Variants in LEKR1 observed in about 807,000 individuals in gnomAD.
The protein encoded by LEKR1 is protein LEKR1.
A neutral mutation model predicts 72.4 loss-of-function variants in LEKR1; 59 were observed. The observed-to-expected ratio is 0.82, with a 90% CI of 0.66 to 1.01. LEKR1 has a LOEUF of 1.01. Ranked by LOEUF, LEKR1 falls within the 50% of genes least tolerant of loss-of-function variation. The pLI, the probability that LEKR1 is intolerant of heterozygous loss-of-function variation, is 0.00. For missense variants in LEKR1, 728 were observed against 759.2 expected (o/e 0.96, Z 0.48); for synonymous variants, 257 against 263.2 (o/e 0.98, Z 0.23).
intron 9 of LEKR1, among the ~76,000 whole-genome samples, chr3:157,001,161 C>A (rs1454515163): frequency 6.6e-6 from 1 of 152,202 alleles, no homozygotes; most frequent in Non-Finnish European, 1.5e-5. Context: ...CATACTATTA[C>A]AGATGCTAAT....
intron 6 of LEKR1, among the ~76,000 whole-genome samples, chr3:156,951,310 T>A (rs1473541942): frequency 6.6e-6 from 1 of 151,362 alleles, no homozygotes; most frequent in Non-Finnish European, 1.5e-5. Context: ...TCATGGATAT[T>A]GGCCTGAATT....
rs11918415 is a variant in LEKR1 at position 156,989,611 on chromosome 3, G to A, written c.828-3042G>A. Among the ~76,000 whole-genome samples, 216 of 152,086 alleles carry A rather than the reference G, an allele frequency of 1.4e-3. 1 individual carries two copies. The highest frequency in any genetic ancestry group is 5.0e-3 in the African/African-American group (209 of 41,472). On this transcript the variant is annotated intron_variant, in intron 7 of 12. Transcript: ENST00000356539. ...TGAGCCTTTGCCCATTTTTCTAACTGTATGTTAATATTTTTCTATTTCTTC... is the reference window on the plus strand; with the variant it reads ...TGAGCCTTTGCCCATTTTTCTAACTATATGTTAATATTTTTCTATTTCTTC...
intron 9 of LEKR1, among the ~76,000 whole-genome samples, chr3:157,000,387 A>C (rs146854135): frequency 2.1e-3 from 314 of 152,330 alleles, no homozygotes; most frequent in African/African-American, 7.2e-3. Context: ...AAAAGGATTA[A>C]GAAGTGATGC....
At chr3:156,876,676 C>T (rs1378767318) in intron 3 of LEKR1, among the ~76,000 whole-genome samples, 1 of 152,052 alleles carries the variant, frequency 6.6e-6, no homozygotes, top group Non-Finnish European at 1.5e-5. Flanking sequence ...GATTTTGTAT[C>T]CTGAAACTTT....
At chr3:156,842,647 G>A (rs774960172) in intron 2 of LEKR1, among the ~76,000 whole-genome samples, 1 of 152,154 alleles carries the variant, frequency 6.6e-6, no homozygotes, top group African/African-American at 2.4e-5. Context: ...ATGTAAAGGT[G>A]GTAGGGGAGA....
intron 4 of LEKR1, chr3:156,921,096 A>G (rs1218584559): frequency 2.0e-5 from 3 of 153,182 alleles, no homozygotes; most frequent in African/African-American, 4.8e-5. Flanking sequence ...AGAAATATCT[A>G]GTGTAAAGCA....
At chr3:156,883,006 T>A (rs1170282252) in intron 3 of LEKR1, among the ~76,000 whole-genome samples, 1 of 148,580 alleles carries the variant, frequency 6.7e-6, no homozygotes, top group Non-Finnish European at 1.5e-5. Context: ...CTGTTGTGGG[T>A]TGGGGGGAGG....
In LEKR1 at chr3:156,999,025, G is replaced by A. The variant is rs557406960; in HGVS notation, c.1109+5748G>A. ...CTCGTGATAGTGAGTGAGTTCTCAC[G>A]AGATCTGATGGTTTTATAAGGGGCT... On this transcript the variant is annotated intron_variant, in intron 9 of 12. Coordinates refer to ENST00000356539, the MANE Select transcript of LEKR1 (RefSeq NM_001004316.3). Among the ~76,000 whole-genome samples, 53 of 152,206 alleles carry A rather than the reference G, an allele frequency of 3.5e-4. 1 individual carries two copies. In the South Asian group the frequency reaches 5.6e-3, roughly 16 times the overall value.
At chr3:156,954,114 CATG>C (rs1727411797) in intron 6 of LEKR1, among the ~76,000 whole-genome samples, 1 of 151,866 alleles carries the variant, frequency 6.6e-6, no homozygotes, top group South Asian at 2.1e-4. Flanking sequence ...CTCTAATGAT[CATG>C]ATGATGAGCT....
chr3:157,036,726 G>A (rs1734993870), intron 12 of LEKR1, among the ~76,000 whole-genome samples: 1 of 152,172 alleles, frequency 6.6e-6, no homozygotes. Context: ...CAGATTGAAA[G>A]AATAACCAGA....
rs1576947217 is a variant in LEKR1 at position 156,984,122 on chromosome 3, T to C, written c.827+4847T>C. Among the ~76,000 whole-genome samples the C allele has an allele frequency of 2.0e-5, 3 of 152,124 alleles. No homozygotes were observed. In the East Asian group the frequency reaches 5.8e-4, roughly 29 times the overall value. Reference sequence around the variant, plus strand: ...CGGGAGATTAGAAATATCAGAAAAATGATCCCATTCATGCTAAAAATGAAT... The same window carrying C: ...CGGGAGATTAGAAATATCAGAAAAACGATCCCATTCATGCTAAAAATGAAT... On this transcript the variant is annotated intron_variant, in intron 7 of 12. Coordinates refer to ENST00000356539, the MANE Select transcript of LEKR1 (RefSeq NM_001004316.3).
intron 12 of LEKR1, among the ~76,000 whole-genome samples, chr3:157,032,967 T>C (rs1560160901): frequency 6.6e-6 from 1 of 152,190 alleles, no homozygotes; most frequent in Non-Finnish European, 1.5e-5. Context: ...TTATTATATC[T>C]GTTATGGCCA....
Position 156,992,546 on chromosome 3 carries a change from A to G in LEKR1, c.828-107A>G, listed in dbSNP as rs528626313. Reference sequence around the variant, plus strand: ...TTTATTTCTTTAAACAAATAATAATATGAAGATGTTAAGAAATTTCTTCTA... The same window carrying G: ...TTTATTTCTTTAAACAAATAATAATGTGAAGATGTTAAGAAATTTCTTCTA... On this transcript the variant is annotated intron_variant, in intron 7 of 12. Coordinates refer to ENST00000356539, the MANE Select transcript of LEKR1 (RefSeq NM_001004316.3). 1.0e-4 allele frequency: 22 copies of G among 210,404 alleles called. No homozygotes were observed. The South Asian group carries it at 1.5e-3, about 14-fold the overall frequency. The allele number at this position is 210,404 out of a possible 1,614,324, so 13.0% of individuals were successfully genotyped here. A position where few individuals can be genotyped will look rare whatever the true frequency, so the allele number is the denominator to read the frequency against.
intron 12 of LEKR1, among the ~76,000 whole-genome samples, chr3:157,032,820 T>TC (rs397769546): frequency 9.9e-5 from 15 of 151,844 alleles, no homozygotes; most frequent in South Asian, 2.1e-4. Context: ...GGTTTTTTTT[T>TC]CCCCACAAAT....
intron 2 of LEKR1, among the ~76,000 whole-genome samples, chr3:156,839,400 A>G (rs1713595424): frequency 6.6e-6 from 1 of 152,266 alleles, no homozygotes; most frequent in African/African-American, 2.4e-5. Flanking sequence ...AGATGCCATC[A>G]TTCTTATAGA....
At chr3:156,883,073 A>G (rs1719633948) in intron 3 of LEKR1, among the ~76,000 whole-genome samples, 1 of 152,104 alleles carries the variant, frequency 6.6e-6, no homozygotes, top group African/African-American at 2.4e-5. Flanking sequence ...TAGTGGGTGC[A>G]GCACACCAGC....
intron 3 of LEKR1, among the ~76,000 whole-genome samples, chr3:156,890,964 A>G (rs1166872117): frequency 6.8e-6 from 1 of 146,970 alleles, no homozygotes; most frequent in Non-Finnish European, 1.5e-5. Flanking sequence ...GGTTCAAGTG[A>G]TTCTCCTGCC....
chr3:156,831,429 A>G (rs1037264345), intron 2 of LEKR1, among the ~76,000 whole-genome samples: 2 of 152,132 alleles, frequency 1.3e-5, no homozygotes, highest in African/African-American at 2.4e-5. Flanking sequence ...AGTTTAAGGG[A>G]TATTATTTAA....
chr3:156,971,021 C>T (rs910157238), intron 6 of LEKR1, among the ~76,000 whole-genome samples: 20 of 151,570 alleles, frequency 1.3e-4, no homozygotes, highest in Non-Finnish European at 2.1e-4. Context: ...AAAAAGAGCC[C>T]GCATCGCCAA....
Sources: gnomAD v4.1 joint callset for allele counts (sites outside exome capture counted in the v4.1 genomes callset) on GRCh38, gnomAD v4.1.1 for gene constraint, MANE v1.5 for transcripts, NCBI Gene and HGNC (gene_info 2026-07-23, HGNC 2026-07-21) for gene names.